GLIS3: variants seen among roughly 807,000 people sequenced by gnomAD.
GLIS3 encodes the protein GLIS family zinc finger 3.
A neutral mutation model predicts 78.6 loss-of-function variants in GLIS3; 53 were observed. The ratio of observed to expected loss-of-function variants is 0.67; its 90% CI spans 0.54 to 0.85. The LOEUF is 0.85. Ranked by LOEUF, GLIS3 falls within the 40% of genes least tolerant of loss-of-function variation. GLIS3 has a pLI of 0.00. For missense variants in GLIS3, 1,703 were observed against 1,231.1 expected (o/e 1.38, Z -5.74); for synonymous variants, 684 against 509.9 (o/e 1.34, Z -4.60).
intron 3 of GLIS3, among the ~76,000 whole-genome samples, chr9:4,121,402 A>G (rs1832169602): frequency 6.6e-6 from 1 of 152,216 alleles, no homozygotes; most frequent in Admixed American, 6.5e-5. Flanking sequence ...AGTGCCTGCC[A>G]GAATGTAAGA....
chr9:4,054,575 T>A (rs1825986317), intron 4 of GLIS3: 1 of 720,228 alleles, frequency 1.4e-6, no homozygotes, highest in South Asian at 6.3e-5. Context: ...GTCACACCAG[T>A]CACAAAGCTG....
intron 2 of GLIS3, among the ~76,000 whole-genome samples, chr9:4,164,408 G>A (rs1835725898): frequency 6.6e-6 from 1 of 152,192 alleles, no homozygotes; most frequent in African/African-American, 2.4e-5. Context: ...AGCTTTTGTT[G>A]TTGTGATAAA....
chr9:4,129,886 G>C (rs1832844456), intron 2 of GLIS3, among the ~76,000 whole-genome samples: 1 of 152,210 alleles, frequency 6.6e-6, no homozygotes, highest in Non-Finnish European at 1.5e-5. Flanking sequence ...GAACTTCCTA[G>C]AGACTGCCCG....
chr9:4,385,170 G>T, the GLIS3 span, among the ~76,000 whole-genome samples: 1 of 152,250 alleles, frequency 6.6e-6, no homozygotes, highest in African/African-American at 2.4e-5. Flanking sequence ...ATGGGTTGCA[G>T]TGTGCCTGCA....
chr9:3,921,352 C>A (rs1261217334), intron 6 of GLIS3, among the ~76,000 whole-genome samples: 1 of 152,186 alleles, frequency 6.6e-6, no homozygotes, highest in Non-Finnish European at 1.5e-5. Context: ...CACACAATCG[C>A]CCTGTGGAGG....
At chr9:4,250,480 T>A (rs1460672926) in intron 2 of GLIS3, among the ~76,000 whole-genome samples, 1 of 152,216 alleles carries the variant, frequency 6.6e-6, no homozygotes, top group Non-Finnish European at 1.5e-5. Context: ...ATCATTTTTT[T>A]ATTGTGTCTA....
At chr9:4,375,751 A>G in the GLIS3 span, among the ~76,000 whole-genome samples, 15 of 152,260 alleles carry the variant, frequency 9.9e-5, no homozygotes, top group East Asian at 1.2e-3. Context: ...TTGCCAACCA[A>G]TAACAGTCAG....
intron 4 of GLIS3, among the ~76,000 whole-genome samples, chr9:3,981,735 G>A (rs1300230554): frequency 1.3e-5 from 2 of 152,104 alleles, no homozygotes; most frequent in Non-Finnish European, 1.5e-5. Context: ...CTGGTTTTCT[G>A]GGGCTTTGGA....
chr9:3,833,569 C>T (rs185454055), intron 9 of GLIS3, among the ~76,000 whole-genome samples: 2 of 152,244 alleles, frequency 1.3e-5, no homozygotes, highest in Admixed American at 6.5e-5. Context: ...CCAATCTGTC[C>T]GTCAGTCAAT....
the GLIS3 span, among the ~76,000 whole-genome samples, chr9:4,477,998 G>A: frequency 6.6e-6 from 1 of 152,156 alleles, no homozygotes; most frequent in Non-Finnish European, 1.5e-5. Context: ...ACATAGCAAT[G>A]AGCCACGATT....
intron 2 of GLIS3, among the ~76,000 whole-genome samples, chr9:4,278,758 T>A (rs187811046): frequency 6.6e-6 from 1 of 152,248 alleles, no homozygotes; most frequent in Non-Finnish European, 1.5e-5. Flanking sequence ...AGGTTACTTA[T>A]ACATTTTGAA....
chr9:3,848,996 G>A (rs1435930106), intron 9 of GLIS3, among the ~76,000 whole-genome samples: 3 of 152,220 alleles, frequency 2.0e-5, no homozygotes, highest in South Asian at 2.1e-4. Flanking sequence ...GAGGGAGGGC[G>A]CCCCCTTCCC....
the GLIS3 span, among the ~76,000 whole-genome samples, chr9:4,477,125 C>A: frequency 1.3e-5 from 2 of 152,034 alleles, no homozygotes; most frequent in Non-Finnish European, 2.9e-5. Flanking sequence ...ATATTCACAG[C>A]ATTATTATTC....
intron 4 of GLIS3, among the ~76,000 whole-genome samples, chr9:3,964,328 A>G (rs1320557002): frequency 6.6e-6 from 1 of 152,220 alleles, no homozygotes; most frequent in African/African-American, 2.4e-5. Context: ...GTTATGTTTC[A>G]ATGAAAAAAA....
chr9:4,445,841 A>G, the GLIS3 span, among the ~76,000 whole-genome samples: 1 of 152,138 alleles, frequency 6.6e-6, no homozygotes, highest in Non-Finnish European at 1.5e-5. Flanking sequence ...CCAGTTGAGG[A>G]ATCAACAGCA....
In GLIS3 at chr9:4,266,399, G is replaced by A. The variant is rs555563226; in HGVS notation, c.388+19639C>T. On this transcript the variant is annotated intron_variant, in intron 2 of 10. Transcript: ENST00000381971. Reference sequence around the variant, plus strand: ...TAAGAAAATTTTCTGAGACCCTATCGCTGAATTCAAACCCAGCTCCAGACA... The same window carrying A: ...TAAGAAAATTTTCTGAGACCCTATCACTGAATTCAAACCCAGCTCCAGACA... Among the ~76,000 whole-genome samples, 9 of 152,086 alleles carry A rather than the reference G, an allele frequency of 5.9e-5. No homozygotes were observed. In the East Asian group the frequency reaches 7.7e-4, roughly 13 times the overall value.
chr9:3,869,641 T>C (rs552226502), intron 8 of GLIS3, among the ~76,000 whole-genome samples: 55 of 152,342 alleles, frequency 3.6e-4, no homozygotes, highest in African/African-American at 1.2e-3. Flanking sequence ...GAATTGTTGC[T>C]TTCTGGAAAG....
intron 4 of GLIS3, among the ~76,000 whole-genome samples, chr9:4,099,255 C>T (rs1830184721): frequency 6.6e-6 from 1 of 152,208 alleles, no homozygotes; most frequent in Admixed American, 6.5e-5. Context: ...TGTATCATCT[C>T]ATAGGTCTGG....
intron 4 of GLIS3, among the ~76,000 whole-genome samples, chr9:3,951,845 C>CAA (rs2130845817): frequency 7.9e-6 from 1 of 126,022 alleles, no homozygotes; most frequent in African/African-American, 3.0e-5. Context: ...AGCATGAACA[C>CAA]ACACACACAC....
Sources: gnomAD v4.1 joint callset for allele counts (sites outside exome capture counted in the v4.1 genomes callset) on GRCh38, gnomAD v4.1.1 for gene constraint, MANE v1.5 for transcripts, NCBI Gene and HGNC (gene_info 2026-07-23, HGNC 2026-07-21) for gene names.